CELF2: variants seen among roughly 807,000 people sequenced by gnomAD.
The protein encoded by CELF2 is CUG triplet repeat RNA-binding protein 2.
In CELF2, 8 loss-of-function variants were observed where a neutral mutation model predicts 62.6. The ratio of observed to expected loss-of-function variants is 0.13; its 90% CI spans 0.07 to 0.23. CELF2 has a LOEUF of 0.23. CELF2 is among the 10% of genes least tolerant of loss of function. The pLI is 1.00. For missense variants in CELF2, 333 were observed against 671.0 expected (o/e 0.50, Z 5.56); for synonymous variants, 258 against 250.0 (o/e 1.03, Z -0.30).
At chr10:11,166,231 A>T (rs2067138223) in intron 2 of CELF2, among the ~76,000 whole-genome samples, 1 of 152,202 alleles carries the variant, frequency 6.6e-6, no homozygotes, top group South Asian at 2.1e-4. Flanking sequence ...CCGTGAGGTG[A>T]ATCTGCCTTT....
At chr10:10,768,561 C>CTTTCTT in the CELF2 span, among the ~76,000 whole-genome samples, 1 of 150,274 alleles carries the variant, frequency 6.7e-6, no homozygotes, top group Non-Finnish European at 1.5e-5. Context: ...CTTTTTCTTT[C>CTTTCTT]TTTCTTTTTC....
chr10:10,750,319 TCTC>T, the CELF2 span, among the ~76,000 whole-genome samples: 1 of 151,962 alleles, frequency 6.6e-6, no homozygotes, highest in Non-Finnish European at 1.5e-5. Context: ...TGCCACTAAT[TCTC>T]CATCACTGAA....
chr10:11,195,898 A>G (rs2057332844), intron 2 of CELF2, among the ~76,000 whole-genome samples: 1 of 152,250 alleles, frequency 6.6e-6, no homozygotes, highest in Non-Finnish European at 1.5e-5. Context: ...AGTTGGAAAC[A>G]TGGCTTTTTG....
chr10:11,011,322 A>G lies in CELF2; in HGVS notation c.53+5882A>G, dbSNP rs1298841857. On this transcript the variant is annotated intron_variant, in intron 1 of 12. Transcript: ENST00000416382. The surrounding 1 kb of genome is among the most constrained non-coding windows in gnomAD (Gnocchi z 4.6). ...AACTCACAGCACTCATGGAACAAAG[A>G]GTAGACAGTGAATGAGGAGGGGTCA... is the stretch of plus-strand genomic sequence containing the variant. Among the ~76,000 whole-genome samples, 1 of 151,996 alleles carries G rather than the reference A, an allele frequency of 6.6e-6. No individual in the cohort carries two copies. Among genetic ancestry groups the G allele is most frequent in the African/African-American group, 2.4e-5 (1 of 41,388 alleles).
chr10:11,250,700 A>G (rs767186906), intron 4 of CELF2, among the ~76,000 whole-genome samples: 27 of 152,248 alleles, frequency 1.8e-4, no homozygotes, highest in Non-Finnish European at 3.8e-4. Flanking sequence ...TCCAGAAGTC[A>G]CTTAAACATT....
rs1227492815 is a variant in CELF2 at position 11,319,056 on chromosome 10, G to T, written c.1097-2133G>T. 1 of 470,730 alleles carries T rather than the reference G, an allele frequency of 2.1e-6. No individual in the cohort carries two copies. The allele number at this position is 470,730 out of a possible 1,614,324, so 29.2% of individuals were successfully genotyped here. A position where few individuals can be genotyped will look rare whatever the true frequency, so the allele number is the denominator to read the frequency against. ...AAGGCCCCACATGGCTCTGCAGGCT[G>T]CGAGGCACACCCAGAACCTCATGCC... On this transcript the variant is annotated intron_variant, in intron 10 of 12. Transcript: ENST00000633077. This position sits in a 1 kb window ranked among gnomAD's most constrained non-coding sequence, Gnocchi z 4.4.
At chr10:11,249,837 T>G (rs969281999) in intron 4 of CELF2, among the ~76,000 whole-genome samples, 1 of 152,240 alleles carries the variant, frequency 6.6e-6, no homozygotes, top group African/African-American at 2.4e-5. Context: ...TTCCCTCTTT[T>G]AAGTTTTTGT....
chr10:10,790,319 T>G, the CELF2 span, among the ~76,000 whole-genome samples: 1 of 152,146 alleles, frequency 6.6e-6, no homozygotes, highest in Non-Finnish European at 1.5e-5. Flanking sequence ...GTTGTCCAGC[T>G]CTGTCCTTTA....
Position 10,842,707 on chromosome 10 carries a change from G to A in CELF2, c.53+43890G>A, listed in dbSNP as rs1455682044. Among the ~76,000 whole-genome samples the A allele has an allele frequency of 2.0e-5, 3 of 151,804 alleles. No individual in the cohort carries two copies. The East Asian group carries it at 5.8e-4, about 29-fold the overall frequency. The stretch of plus-strand genomic sequence containing the variant: ...TTGTATTTGCTAATATTTTGTTGAG[G>A]ATTTTTACATATATGTTCATGAGAG... On this transcript the variant is annotated intron_variant, in intron 1 of 13. Transcript: ENST00000636488.
intron 1 of CELF2, chr10:10,917,745 T>C (rs2064489001): frequency 6.6e-6 from 1 of 152,242 alleles, no homozygotes; most frequent in Non-Finnish European, 1.5e-5. Flanking sequence ...GGAGCAGTAC[T>C]ACCGGCATCA....
At position 11,255,500 on chromosome 10, in the gene CELF2, G is replaced by A. The variant is rs951066203; in HGVS notation, c.404-2238G>A. Among the ~76,000 whole-genome samples, 12 of 152,114 alleles carry A rather than the reference G, an allele frequency of 7.9e-5. No individual in the cohort carries two copies. The highest frequency in any genetic ancestry group is 7.7e-4 in the East Asian group (4 of 5,176). On this transcript the variant is annotated intron_variant, in intron 4 of 12. Coordinates refer to ENST00000633077, the MANE Select transcript of CELF2 (RefSeq NM_001326342.2). The surrounding 1 kb of genome is among the most constrained non-coding windows in gnomAD (Gnocchi z 5.5). ...CACCTCCAGTCTCTCCAGACCCTTCGTCCAGCTTCAATTCCACATCCCCCA... is the reference window on the plus strand; with the variant it reads ...CACCTCCAGTCTCTCCAGACCCTTCATCCAGCTTCAATTCCACATCCCCCA...
chr10:10,834,412 C>T (rs2132324862), intron 1 of CELF2, among the ~76,000 whole-genome samples: 1 of 152,288 alleles, frequency 6.6e-6, no homozygotes, highest in East Asian at 1.9e-4. Flanking sequence ...ACCCCCAAGA[C>T]ACAAGTTTAC....
At chr10:11,265,191 A>G (rs1220010252) in intron 5 of CELF2, among the ~76,000 whole-genome samples, 1 of 152,156 alleles carries the variant, frequency 6.6e-6, no homozygotes, top group Admixed American at 6.5e-5. Flanking sequence ...AAACCAAACA[A>G]TCTGCTGGTT....
rs11817272 is a variant in CELF2, at chr10:11,255,748, A to G, written c.404-1990A>G. ...GTATGTCACAGGCCACCTTCTCTCC[A>G]TTTCTAGGAGAGAAAAGAGTCTAAA... On this transcript the variant is annotated intron_variant, in intron 4 of 12. Coordinates refer to ENST00000633077, the MANE Select transcript of CELF2 (RefSeq NM_001326342.2). This position sits in a 1 kb window ranked among gnomAD's most constrained non-coding sequence, Gnocchi z 5.5. 0.067 allele frequency among the ~76,000 whole-genome samples: 10,115 copies of G among 152,028 alleles called. 965 individuals are homozygous for G. Among genetic ancestry groups the G allele is most frequent in the African/African-American group, 0.22 (8,935 of 41,398 alleles).
Position 10,982,515 on chromosome 10 carries a change from G to T in CELF2, c.89+62516G>T, listed in dbSNP as rs376575640. ...GATGAGGTTAACCAAGCAGCACCTG[G>T]GTCCCAGCCCAGGCTACAGGCCCCA... On this transcript the variant is annotated intron_variant, in intron 2 of 13. Coordinates refer to the CELF2 transcript ENST00000636488. Among the ~76,000 whole-genome samples, 35 of 152,240 alleles carry T rather than the reference G, an allele frequency of 2.3e-4. No homozygotes were observed. The South Asian group carries it at 7.1e-3, about 31-fold the overall frequency.
intron 2 of CELF2, among the ~76,000 whole-genome samples, chr10:11,184,279 T>G (rs2074262440): frequency 6.6e-6 from 1 of 152,248 alleles, no homozygotes; most frequent in East Asian, 1.9e-4. Flanking sequence ...GCATCAGTAT[T>G]ACATTGCATT....
intron 1 of CELF2, among the ~76,000 whole-genome samples, chr10:10,812,036 G>A (rs934785241): frequency 6.6e-6 from 1 of 152,148 alleles, no homozygotes; most frequent in African/African-American, 2.4e-5. Context: ...TCCACATGCA[G>A]GGTCCTGTCT....
Position 11,197,053 on chromosome 10 carries a change from GAAAGA to G in CELF2, c.272-20364_272-20360del, listed in dbSNP as rs1463708361. Among the ~76,000 whole-genome samples the G allele has an allele frequency of 1.4e-3, 82 of 57,220 alleles. 5 individuals are homozygous for G. Among genetic ancestry groups the G allele is most frequent in the South Asian group, 0.011 (25 of 2,338 alleles). The allele number at this position is 57,220 out of a possible 152,430, so 37.5% of individuals were successfully genotyped here. On this transcript the variant is annotated intron_variant, in intron 2 of 12. Coordinates refer to ENST00000633077, the MANE Select transcript of CELF2 (RefSeq NM_001326342.2). ...AGAAAGAAAGAAAGAAAGAAAGAAA[GAAAGA>G]AAAGAAAGAAAGGAAAGAAAGAAAG...
the CELF2 span, among the ~76,000 whole-genome samples, chr10:10,567,275 C>T: frequency 3.9e-5 from 6 of 152,138 alleles, no homozygotes; most frequent in East Asian, 9.6e-4. Flanking sequence ...TCCAACAAAC[C>T]GACCAGGAAA....
Sources: allele counts gnomAD v4.1 joint callset (sites outside exome capture counted in the v4.1 genomes callset), GRCh38; gene constraint gnomAD v4.1.1; non-coding constraint Gnocchi (gnomAD v3.1); transcripts MANE v1.5; gene names NCBI Gene and HGNC (gene_info 2026-07-23, HGNC 2026-07-21).